Variants in COMMD1 observed in about 807,000 individuals in gnomAD.
The protein encoded by COMMD1 is COMM domain-containing protein 1.
COMMD1 carries 10 observed loss-of-function variants against 17.2 expected under a neutral mutation model. The observed-to-expected ratio is 0.58, with a 90% CI of 0.36 to 0.99. The LOEUF (loss-of-function observed/expected upper bound fraction) is 0.99, where lower values mean the gene tolerates loss of function less well. Among genes scored for constraint, COMMD1 ranks in the 50% least tolerant of loss-of-function variants. The pLI is 0.01. For synonymous variants in COMMD1, 97 were observed against 91.6 expected (o/e 1.06, Z -0.34); for missense variants, 270 against 231.8 (o/e 1.17, Z -1.07).
intron 2 of COMMD1, among the ~76,000 whole-genome samples, chr2:62,007,620 A>G (rs1669156539): frequency 6.6e-6 from 1 of 152,190 alleles, no homozygotes; most frequent in Non-Finnish European, 1.5e-5. Context: ...ATTGTGTTGC[A>G]GTTGCCTACA....
chr2:61,993,776 A>G (rs1293743114), intron 1 of COMMD1, among the ~76,000 whole-genome samples: 1 of 152,220 alleles, frequency 6.6e-6, no homozygotes, highest in Non-Finnish European at 1.5e-5. Context: ...CCCTAGTTCA[A>G]GATATTATTG....
Position 62,072,236 on chromosome 2 carries a change from C to T in COMMD1, c.463-63595C>T, listed in dbSNP as rs1389862633. Among the ~76,000 whole-genome samples the T allele has an allele frequency of 2.0e-5, 3 of 152,102 alleles. 1 individual carries two copies. The highest frequency in any genetic ancestry group is 2.9e-5 in the Non-Finnish European group (2 of 68,010). ...TGAAACCCAACCTTCAAACCAAAGA[C>T]AAATTAAAGCCTGAAAACCAAGCTG... On this transcript the variant is annotated intron_variant, in intron 2 of 2. Coordinates refer to ENST00000311832, the MANE Select transcript of COMMD1 (RefSeq NM_152516.4).
chr2:62,008,617 A>C (rs891415793), intron 2 of COMMD1, among the ~76,000 whole-genome samples: 3 of 152,174 alleles, frequency 2.0e-5, no homozygotes, highest in Non-Finnish European at 4.4e-5. Context: ...TCTTGTATTT[A>C]AGGTTGATTT....
chr2:61,998,812 T>C (rs2103798468), intron 1 of COMMD1, among the ~76,000 whole-genome samples: 1 of 152,284 alleles, frequency 6.6e-6, no homozygotes, highest in Admixed American at 6.5e-5. Flanking sequence ...ATATTGTGTG[T>C]CTCAGGTCAT....
At chr2:61,972,712 A>G (rs1287367516) in intron 1 of COMMD1, among the ~76,000 whole-genome samples, 1 of 152,234 alleles carries the variant, frequency 6.6e-6, no homozygotes, top group African/African-American at 2.4e-5. Flanking sequence ...GACCTTCTAC[A>G]AAATACCTGG....
intron 2 of COMMD1, chr2:62,069,325 C>T (rs931813240): frequency 1.3e-5 from 2 of 151,994 alleles, no homozygotes; most frequent in East Asian, 3.9e-4. Context: ...GATGTTAATT[C>T]TATGTGTTTT....
chr2:61,894,063 C>A (rs560952443), intron 1 of COMMD1, among the ~76,000 whole-genome samples: 2 of 152,244 alleles, frequency 1.3e-5, no homozygotes, highest in East Asian at 3.9e-4. Context: ...CATAGCAAAA[C>A]CCCATCATTG....
At chr2:62,018,262 C>T (rs1005244432) in intron 2 of COMMD1, among the ~76,000 whole-genome samples, 2 of 152,176 alleles carry the variant, frequency 1.3e-5, no homozygotes, top group African/African-American at 2.4e-5. Context: ...AAATTGACAG[C>T]TGATACCACA....
At chr2:62,102,378 T>A (rs188960155) in intron 2 of COMMD1, among the ~76,000 whole-genome samples, 1 of 152,360 alleles carries the variant, frequency 6.6e-6, no homozygotes, top group East Asian at 1.9e-4. Flanking sequence ...CATGAAACTC[T>A]TAATTCCTCC....
intron 1 of COMMD1, among the ~76,000 whole-genome samples, chr2:61,895,823 G>A (rs146728255): frequency 6.6e-6 from 1 of 152,264 alleles, no homozygotes; most frequent in Non-Finnish European, 1.5e-5. Flanking sequence ...TGTGCATCTG[G>A]TAATAGGCGC....
chr2:62,132,968 C>A (rs1673086267), intron 2 of COMMD1, among the ~76,000 whole-genome samples: 1 of 152,222 alleles, frequency 6.6e-6, no homozygotes, highest in Non-Finnish European at 1.5e-5. Flanking sequence ...CATAAATCTG[C>A]TTTTCTTTCC....
At chr2:61,990,165 A>G (rs900759395) in intron 1 of COMMD1, among the ~76,000 whole-genome samples, 20 of 152,230 alleles carry the variant, frequency 1.3e-4, no homozygotes, top group African/African-American at 4.8e-4. Flanking sequence ...AAGGAGCTCA[A>G]AAGCAATGGT....
At chr2:61,941,545 C>T (rs1670747973) in intron 1 of COMMD1, among the ~76,000 whole-genome samples, 1 of 152,124 alleles carries the variant, frequency 6.6e-6, no homozygotes, top group Admixed American at 6.5e-5. Context: ...TGAAGCATAT[C>T]AACTGTTTCA....
At chr2:61,894,531 T>G (rs1303968528) in intron 1 of COMMD1, among the ~76,000 whole-genome samples, 1 of 152,022 alleles carries the variant, frequency 6.6e-6, no homozygotes, top group African/African-American at 2.4e-5. Context: ...TTCTTGTATT[T>G]GTTAATGTGA....
intron 1 of COMMD1, among the ~76,000 whole-genome samples, chr2:61,889,246 G>C (rs1322525684): frequency 8.6e-6 from 1 of 116,176 alleles, no homozygotes; most frequent in Non-Finnish European, 1.6e-5. Flanking sequence ...TCGCTCTGTC[G>C]TCCAGGCGGG....
intron 1 of COMMD1, among the ~76,000 whole-genome samples, chr2:61,981,115 G>A (rs555755125): frequency 3.9e-5 from 6 of 152,010 alleles, no homozygotes; most frequent in Non-Finnish European, 8.8e-5. Context: ...TCTTCCCTTT[G>A]TTGATGGCTT....
At chr2:61,889,698 C>G (rs182539202) in intron 1 of COMMD1, among the ~76,000 whole-genome samples, 1 of 152,152 alleles carries the variant, frequency 6.6e-6, no homozygotes, top group East Asian at 1.9e-4. Flanking sequence ...TTAGTTATCT[C>G]GTATTGGTTG....
At chr2:61,970,991 C>G (rs1374868633) in intron 1 of COMMD1, among the ~76,000 whole-genome samples, 1 of 152,160 alleles carries the variant, frequency 6.6e-6, no homozygotes, top group East Asian at 1.9e-4. Context: ...CACTGTGGCC[C>G]CCTGTCTCCT....
chr2:62,081,183 A>T (rs1306755368), intron 2 of COMMD1, among the ~76,000 whole-genome samples: 1 of 152,080 alleles, frequency 6.6e-6, no homozygotes, highest in Non-Finnish European at 1.5e-5. Context: ...TGCCAGCAAC[A>T]TATCAGATTT....
Sources: gnomAD v4.1 joint callset for allele counts (sites outside exome capture counted in the v4.1 genomes callset) on GRCh38, gnomAD v4.1.1 for gene constraint, MANE v1.5 for transcripts, NCBI Gene and HGNC (gene_info 2026-07-23, HGNC 2026-07-21) for gene names.